RFC3: variants seen among roughly 807,000 people sequenced by gnomAD.
The protein encoded by RFC3 is replication factor C subunit 3.
A neutral mutation model predicts 45.1 loss-of-function variants in RFC3; 41 were observed. That is an observed-to-expected ratio of 0.91 (90% CI 0.71 to 1.18). The LOEUF (loss-of-function observed/expected upper bound fraction) is 1.18. Among genes scored for constraint, RFC3 ranks in the 50% most tolerant of loss-of-function variants. RFC3 has a pLI of 0.00. For missense variants in RFC3, 423 were observed against 428.1 expected (o/e 0.99, Z 0.10); for synonymous variants, 149 against 144.0 (o/e 1.03, Z -0.25).
chr13:33,886,826 T>G (rs1248941940), intron 8 of RFC3, among the ~76,000 whole-genome samples: 1 of 136,446 alleles, frequency 7.3e-6, no homozygotes, highest in Non-Finnish European at 1.5e-5. Flanking sequence ...GATGTTCCCC[T>G]TCCTGTGTCC....
At chr13:33,847,702 C>G (rs1566393285) in intron 8 of RFC3, 2 of 152,106 alleles carry the variant, frequency 1.3e-5, no homozygotes, top group Non-Finnish European at 2.9e-5. Flanking sequence ...AGTTTGCAAT[C>G]CATTTTAATC....
At chr13:33,954,283 G>A (rs891231983) in intron 8 of RFC3, among the ~76,000 whole-genome samples, 7 of 152,290 alleles carry the variant, frequency 4.6e-5, no homozygotes, top group South Asian at 2.1e-4. Context: ...AGTTTCATAA[G>A]TGTAGCTAAG....
intron 3 of RFC3, among the ~76,000 whole-genome samples, 194 bp from the exon 4 acceptor site, chr13:33,825,595 C>T (rs905139485): frequency 3.9e-5 from 6 of 151,986 alleles, no homozygotes; most frequent in Non-Finnish European, 5.9e-5. Context: ...TTAGTGTTTT[C>T]AGTGATGTTA....
At chr13:33,888,747 CTTT>C (rs569209303) in intron 8 of RFC3, among the ~76,000 whole-genome samples, 2 of 136,682 alleles carry the variant, frequency 1.5e-5, no homozygotes, top group Non-Finnish European at 3.2e-5. Context: ...TAAAGAAAAT[CTTT>C]TTTTTTTTTT....
At chr13:33,883,891 C>T (rs1207194982) in intron 8 of RFC3, among the ~76,000 whole-genome samples, 6 of 151,922 alleles carry the variant, frequency 3.9e-5, no homozygotes, top group African/African-American at 9.7e-5. Context: ...ACATGACACA[C>T]GTTTACGTAT....
rs539513763 is a variant in RFC3, at chr13:33,894,407, C to T, written c.879+59190C>T. Among the ~76,000 whole-genome samples the T allele has an allele frequency of 1.6e-4, 24 of 152,236 alleles. No individual in the cohort carries two copies. The East Asian group carries it at 2.9e-3, about 18-fold the overall frequency. On this transcript the variant is annotated intron_variant, in intron 8 of 8. Coordinates refer to the RFC3 transcript ENST00000434425. Reference sequence around the variant, plus strand: ...CCTGATCTTACCTCACAGGAGACCTCGTGGAAGTCTGCCAGCTAACTCAAG... The same window carrying T: ...CCTGATCTTACCTCACAGGAGACCTTGTGGAAGTCTGCCAGCTAACTCAAG...
chr13:33,949,567 G>A (rs1475475570), intron 8 of RFC3, among the ~76,000 whole-genome samples: 1 of 152,200 alleles, frequency 6.6e-6, no homozygotes, highest in African/African-American at 2.4e-5. Flanking sequence ...ATTTGGCTGA[G>A]TGCTTTTCCT....
At chr13:33,893,190 C>T (rs1422712132) in intron 8 of RFC3, among the ~76,000 whole-genome samples, 1 of 152,108 alleles carries the variant, frequency 6.6e-6, no homozygotes, top group African/African-American at 2.4e-5. Flanking sequence ...ATTGGAAGTA[C>T]ATTCCACAGG....
chr13:33,873,195 AG>A (rs1324832559), intron 8 of RFC3, among the ~76,000 whole-genome samples: 1 of 152,188 alleles, frequency 6.6e-6, no homozygotes, highest in East Asian at 1.9e-4. Context: ...CCAAGTTTAG[AG>A]GGGGTTGTGG....
Position 33,964,798 on chromosome 13 carries a change from A to G in RFC3, c.880-1289A>G, listed in dbSNP as rs1242354134. ...TCTGAATGTCACTTCATTTGGAAAA[A>G]GGATATTTGCAAATATAACTAAGTT... On this transcript the variant is annotated intron_variant, in intron 8 of 8. Transcript: ENST00000434425. Among the ~76,000 whole-genome samples the G allele has an allele frequency of 2.0e-5, 3 of 152,326 alleles. No homozygotes were observed. In the East Asian group the frequency reaches 5.8e-4, roughly 29 times the overall value.
chr13:33,904,353 C>T (rs1012030402), intron 8 of RFC3, among the ~76,000 whole-genome samples: 1 of 151,984 alleles, frequency 6.6e-6, no homozygotes, highest in African/African-American at 2.4e-5. Context: ...AAGCTCAAAC[C>T]CTGAGTTTTC....
intron 8 of RFC3, among the ~76,000 whole-genome samples, chr13:33,915,792 A>G (rs910592303): frequency 3.5e-5 from 5 of 143,186 alleles, no homozygotes; most frequent in South Asian, 2.2e-4. Context: ...TTATATTTCT[A>G]TATTTCTATA....
At chr13:33,920,386 T>C (rs985250666) in intron 8 of RFC3, among the ~76,000 whole-genome samples, 9 of 151,392 alleles carry the variant, frequency 5.9e-5, no homozygotes, top group African/African-American at 2.2e-4. Context: ...AGTTCACCCT[T>C]GCATGTGTGA....
chr13:33,850,162 C>T lies in RFC3; in HGVS notation c.879+14945C>T, dbSNP rs1423149435. On this transcript the variant is annotated intron_variant, in intron 8 of 8. Coordinates refer to the RFC3 transcript ENST00000434425. ...AATTGTGGAGTGGCTATCTTTTTTA[C>T]ATAGGTATGCATTTTCCATTTCTCA... 2.0e-4 allele frequency: 30 copies of T among 151,988 alleles called. 1 individual carries two copies. Among genetic ancestry groups the T allele is most frequent in the Admixed American group, 2.0e-3 (30 of 15,266 alleles). 9.4% of individuals were successfully genotyped at this position (151,988 alleles called of 1,614,324 possible).
chr13:33,947,377 G>A (rs2082960859), intron 8 of RFC3, among the ~76,000 whole-genome samples: 1 of 152,132 alleles, frequency 6.6e-6, no homozygotes, highest in African/African-American at 2.4e-5. Context: ...GGCCTCCTCA[G>A]CCATGCGAAA....
At chr13:33,850,212 A>C (rs562909336) in intron 8 of RFC3, 1 of 152,230 alleles carries the variant, frequency 6.6e-6, no homozygotes, top group East Asian at 1.9e-4. Flanking sequence ...TATTTTACAC[A>C]GTTTTTTCTT....
chr13:33,832,540 A>G (rs1481120139), intron 7 of RFC3, among the ~76,000 whole-genome samples: 1 of 152,162 alleles, frequency 6.6e-6, no homozygotes, highest in Non-Finnish European at 1.5e-5. Context: ...TATTTCATTT[A>G]AGGTTTGCTT....
intron 8 of RFC3, among the ~76,000 whole-genome samples, chr13:33,931,639 G>C (rs909675411): frequency 6.4e-5 from 7 of 108,744 alleles, no homozygotes; most frequent in African/African-American, 3.6e-4. Flanking sequence ...GACTGCCTTA[G>C]AAGTTGTGTA....
At chr13:33,940,717 A>C (rs1025832770) in intron 8 of RFC3, among the ~76,000 whole-genome samples, 2 of 152,192 alleles carry the variant, frequency 1.3e-5, no homozygotes, top group Non-Finnish European at 2.9e-5. Flanking sequence ...AATTACTTTC[A>C]TCAATTCTCT....
Sources: allele counts gnomAD v4.1 joint callset (sites outside exome capture counted in the v4.1 genomes callset), GRCh38; gene constraint gnomAD v4.1.1; transcripts MANE v1.5; gene names NCBI Gene and HGNC (gene_info 2026-07-23, HGNC 2026-07-21).